The following PLAAT1 variants were observed in gnomAD, a reference collection of about 807,000 sequenced individuals.
PLAAT1 encodes H-REV107 protein-related protein.
In PLAAT1, 13 loss-of-function variants were observed where a neutral mutation model predicts 16.4. That is an observed-to-expected ratio of 0.79 (90% CI 0.52 to 1.26). The LOEUF is 1.26. PLAAT1 is among the 50% of genes most tolerant of loss of function. PLAAT1 has a pLI of 0.00. For missense variants in PLAAT1, 218 were observed against 207.8 expected, an observed-to-expected ratio of 1.05 and a Z score of -0.30; for synonymous variants, 73 against 78.4, an observed-to-expected ratio of 0.93 and a Z score of 0.36.
chr3:193,255,244 A>T (rs1343124768), intron 1 of PLAAT1, among the ~76,000 whole-genome samples: 1 of 152,130 alleles, frequency 6.6e-6, no homozygotes, highest in African/African-American at 2.4e-5. Context: ...CAGATATTAT[A>T]TGTTTACTTT....
At chr3:193,253,007 A>G (rs939167842) in intron 1 of PLAAT1, among the ~76,000 whole-genome samples, 7 of 152,128 alleles carry the variant, frequency 4.6e-5, no homozygotes, top group African/African-American at 1.4e-4. Context: ...CCCTGACTTC[A>G]TTCAGGGCAG....
At chr3:193,249,350 T>G (rs1045126998) in intron 1 of PLAAT1, among the ~76,000 whole-genome samples, 1 of 152,200 alleles carries the variant, frequency 6.6e-6, no homozygotes, top group African/African-American at 2.4e-5. Flanking sequence ...TCCCTACACT[T>G]AGGAAGGTTT....
intron 2 of PLAAT1, among the ~76,000 whole-genome samples, chr3:193,257,928 C>T (rs768930372): frequency 6.6e-6 from 1 of 152,216 alleles, no homozygotes; most frequent in Non-Finnish European, 1.5e-5. Context: ...CTTGGACCTA[C>T]ACCAGTGGTT....
intron 3 of PLAAT1, among the ~76,000 whole-genome samples, chr3:193,268,597 A>G (rs936680981): frequency 6.6e-6 from 1 of 152,178 alleles, no homozygotes; most frequent in South Asian, 2.1e-4. Context: ...ATCACATCCC[A>G]TTACTCCTAA....
chr3:193,278,752 A>C (rs1415854782), downstream of PLAAT1, among the ~76,000 whole-genome samples: 2 of 152,106 alleles, frequency 1.3e-5, no homozygotes, highest in Non-Finnish European at 2.9e-5. Flanking sequence ...CACTCTTTTC[A>C]AGTATGGATA....
intron 2 of PLAAT1, among the ~76,000 whole-genome samples, chr3:193,260,050 C>T (rs1716526084): frequency 6.6e-6 from 1 of 152,072 alleles, no homozygotes; most frequent in Admixed American, 6.6e-5. Context: ...GAAATAAAGC[C>T]AAGCACATAA....
downstream of PLAAT1, among the ~76,000 whole-genome samples, chr3:193,279,875 C>G (rs535061464): frequency 1.3e-5 from 2 of 149,074 alleles, no homozygotes; most frequent in African/African-American, 2.5e-5. Flanking sequence ...CCTTTCTAAC[C>G]TGGTCTCTGA....
intron 2 of PLAAT1, 151 bp downstream of exon 2, chr3:193,255,940 C>A: frequency 1.5e-6 from 1 of 689,350 alleles, no homozygotes; most frequent in Admixed American, 3.4e-5. Context: ...GAAGGATATT[C>A]TAAAACCAAA....
In PLAAT1 at chr3:193,241,377, T is replaced by C. The variant is rs1021682467; in HGVS notation, c.-157T>C. ...GTTGGCCCTGGAGGACGGCCCCGAG[T>C]GATGGCTGGCGCCTGCCTCCCGGGT... On this transcript the variant is annotated 5_prime_UTR_variant, in exon 1 of 4. Transcript: ENST00000264735. 1.9e-5 allele frequency: 24 copies of C among 1,231,448 alleles called. No homozygotes were observed. The highest frequency in any genetic ancestry group is 2.0e-5 in the Non-Finnish European group (20 of 987,944). 76.3% of individuals were successfully genotyped at this position (1,231,448 alleles called of 1,614,324 possible).
At chr3:193,246,989 G>C (rs1716004691) in intron 1 of PLAAT1, among the ~76,000 whole-genome samples, 1 of 152,154 alleles carries the variant, frequency 6.6e-6, no homozygotes, top group African/African-American at 2.4e-5. Flanking sequence ...CAGGTCCTGG[G>C]CTTTCCTTTG....
At chr3:193,265,757 TTAACA>T (rs1716757522) in intron 3 of PLAAT1, among the ~76,000 whole-genome samples, 1 of 151,356 alleles carries the variant, frequency 6.6e-6, no homozygotes, top group Admixed American at 6.6e-5. Context: ...AGGAAATGTA[TTAACA>T]TAATGAATGT....
intron 2 of PLAAT1, among the ~76,000 whole-genome samples, chr3:193,256,939 A>G (rs2367472): frequency 0.34 from 51,526 of 152,018 alleles, 9,439 homozygotes; most frequent in East Asian, 0.55. Flanking sequence ...AGAAATCTTC[A>G]TTGCATCATG....
chr3:193,262,863 G>A (rs1716636110), intron 2 of PLAAT1, 107 bp from the exon 3 acceptor site: 1 of 1,122,056 alleles, frequency 8.9e-7, no homozygotes, highest in African/African-American at 1.6e-5. Context: ...AATAAGTTAG[G>A]AACAGGGCTA....
chr3:193,258,548 C>T (rs564598992), intron 2 of PLAAT1, among the ~76,000 whole-genome samples: 20 of 152,084 alleles, frequency 1.3e-4, no homozygotes, highest in African/African-American at 4.1e-4. Context: ...GAAGTACAAT[C>T]GGAAATGACA....
At chr3:193,241,680 C>T in intron 1 of PLAAT1, 147 bp downstream of exon 1, 1 of 521,346 alleles carries the variant, frequency 1.9e-6, no homozygotes, top group Non-Finnish European at 2.9e-6. Flanking sequence ...GGAACTCAGT[C>T]CACAGGGCAA....
chr3:193,260,636 A>G (rs896236609), intron 2 of PLAAT1, among the ~76,000 whole-genome samples: 5 of 152,122 alleles, frequency 3.3e-5, no homozygotes, highest in Admixed American at 6.5e-5. Flanking sequence ...AATCAAAACC[A>G]CAATGAGATA....
At chr3:193,263,299 TC>T in intron 3 of PLAAT1, 64 bp downstream of exon 3, 1 of 1,480,066 alleles carries the variant, frequency 6.8e-7, no homozygotes, top group Non-Finnish European at 9.2e-7. Context: ...ATGATAAGGT[TC>T]CCAGGCCTCA....
chr3:193,278,982 A>T (rs747993057), downstream of PLAAT1, among the ~76,000 whole-genome samples: 8 of 152,216 alleles, frequency 5.3e-5, no homozygotes, highest in Non-Finnish European at 5.9e-5. Flanking sequence ...TGACTGTCTT[A>T]TAAGTCTATG....
intron 2 of PLAAT1, among the ~76,000 whole-genome samples, chr3:193,256,755 G>T (rs989212888): frequency 6.6e-6 from 1 of 152,090 alleles, no homozygotes; most frequent in African/African-American, 2.4e-5. Context: ...TGTACTTCTA[G>T]GAATCTATTC....
Sources: allele counts gnomAD v4.1 joint callset (sites outside exome capture counted in the v4.1 genomes callset), GRCh38; gene constraint gnomAD v4.1.1; transcripts MANE v1.5; gene names NCBI Gene and HGNC (gene_info 2026-07-23, HGNC 2026-07-21).